WLS: variants seen among roughly 807,000 people sequenced by gnomAD.
WLS encodes the protein Wnt ligand secretion mediator, also known as protein wntless homolog.
In WLS, 23 loss-of-function variants were observed where a neutral mutation model predicts 62.8. The ratio of observed to expected loss-of-function variants is 0.37; its 90% CI spans 0.26 to 0.52. WLS has a LOEUF of 0.52. Among genes scored for constraint, WLS ranks in the 20% least tolerant of loss-of-function variants. The pLI, the probability that WLS is intolerant of heterozygous loss-of-function variation, is 0.92. For synonymous variants in WLS, 246 were observed against 244.1 expected, an observed-to-expected ratio of 1.01 and a Z score of -0.07; for missense variants, 615 against 697.3, an observed-to-expected ratio of 0.88 and a Z score of 1.33.
At chr1:68,186,391 A>C (rs1647938828) in intron 2 of WLS, 2 of 326,258 alleles carry the variant, frequency 6.1e-6, no homozygotes, top group Admixed American at 8.4e-5. Context: ...AGATGAAAAC[A>C]CTAACCAGAT....
intron 2 of WLS, chr1:68,162,562 C>G: frequency 8.9e-6 from 14 of 1,576,052 alleles, no homozygotes; most frequent in Non-Finnish European, 1.1e-5. Context: ...CCCACGGATG[C>G]TGGCCGATCC....
Position 68,210,762 on chromosome 1 carries a change from G to A in WLS, c.107-16535C>T, listed in dbSNP as rs1247032029. 2.6e-5 allele frequency among the ~76,000 whole-genome samples: 4 copies of A among 152,304 alleles called. No individual in the cohort carries two copies. The South Asian group carries it at 8.3e-4, about 32-fold the overall frequency. ...AGCCGCTCATCACTACAAGAGGAGA[G>A]GTAAACTACAATCTCACCTGGGAAG... On this transcript the variant is annotated intron_variant, in intron 1 of 11. Transcript: ENST00000262348.
In WLS at chr1:68,162,201, C is replaced by T. The variant is rs748296093; in HGVS notation, c.380-2954G>A. ...CAAAGCTAAAGGGCTCCGACTCACG[C>T]ACATAGAGGGCTGCCCCTCGTATCC... On this transcript the variant is annotated intron_variant, in intron 2 of 11. Transcript: ENST00000262348. 162 of 1,441,774 alleles carry T rather than the reference C, an allele frequency of 1.1e-4. No homozygotes were observed. In the Middle Eastern group the frequency reaches 1.3e-3, roughly 12 times the overall value. 89.3% of individuals were successfully genotyped at this position (1,441,774 alleles called of 1,614,324 possible).
rs187224044 is a variant in WLS, at chr1:68,228,219, A to G, written c.106+3975T>C. 5 of 439,262 alleles carry G rather than the reference A, an allele frequency of 1.1e-5. No individual in the cohort carries two copies. The East Asian group carries it at 2.1e-4, about 19-fold the overall frequency. 27.2% of individuals were successfully genotyped at this position (439,262 alleles called of 1,614,324 possible). ...AATAATTGGTGATTTGTTGATACTT[A>G]CAGTTTATGTTTGGAATAGTCTCAT... On this transcript the variant is annotated intron_variant, in intron 1 of 11. Transcript: ENST00000262348.
intron 2 of WLS, among the ~76,000 whole-genome samples, chr1:68,170,167 T>C (rs528869228): frequency 0.012 from 1,548 of 129,614 alleles, 36 homozygotes; most frequent in African/African-American, 0.042. Context: ...TTTCTTTTTT[T>C]TTTTTTTTTT....
At chr1:68,126,609 A>C (rs1203290281) in intron 11 of WLS, among the ~76,000 whole-genome samples, 1 of 152,216 alleles carries the variant, frequency 6.6e-6, no homozygotes, top group African/African-American at 2.4e-5. Flanking sequence ...GTAATCATTA[A>C]CATTTAATGA....
At position 68,178,705 on chromosome 1, in the gene WLS, CAAAA is replaced by C. The variant is rs376126398; in HGVS notation, c.379+15246_379+15249del. ...TAAGCAACAGATCGAGACTACATTT[CAAAA>C]AAAAAAAAAAGAAAAGAAAAGAGAA... is the stretch of plus-strand genomic sequence containing the variant. On this transcript the variant is annotated intron_variant, in intron 2 of 11. Transcript: ENST00000262348. Among the ~76,000 whole-genome samples the C allele has an allele frequency of 5.7e-3, 613 of 108,226 alleles. 8 individuals carry two copies. The highest frequency in any genetic ancestry group is 0.018 in the African/African-American group (581 of 31,482). 71.0% of individuals were successfully genotyped at this position (108,226 alleles called of 152,430 possible).
In WLS at chr1:68,201,900, A is replaced by G. The variant is rs550811444; in HGVS notation, c.107-7673T>C. The G allele has an allele frequency of 2.6e-5, 4 of 152,374 alleles. No individual in the cohort carries two copies. In the South Asian group the frequency reaches 8.3e-4, roughly 32 times the overall value. 9.4% of individuals were successfully genotyped at this position (152,374 alleles called of 1,614,324 possible). A position where few individuals can be genotyped will look rare whatever the true frequency, so the allele number is the denominator to read the frequency against. The stretch of plus-strand genomic sequence containing the variant: ...ACATTTTGACAGCAATTTTCCAAAA[A>G]TTGTAGCAAACACTTGTAAATACAT... On this transcript the variant is annotated intron_variant, in intron 1 of 11. Coordinates refer to ENST00000262348, the MANE Select transcript of WLS (RefSeq NM_024911.7).
intron 11 of WLS, 53 bp downstream of exon 11, chr1:68,137,727 G>A (rs1646630931): frequency 2.5e-6 from 4 of 1,569,388 alleles, no homozygotes; most frequent in Admixed American, 1.8e-5. Flanking sequence ...ATCTTGTAAA[G>A]ACAGAAGCCT....
intron 4 of WLS, 75 bp downstream of exon 4, chr1:68,155,024 T>C (rs1267187131): frequency 6.9e-7 from 1 of 1,455,416 alleles, no homozygotes; most frequent in African/African-American, 1.4e-5. Flanking sequence ...ATGAGACAGG[T>C]GAGGCATAGA....
intron 11 of WLS, among the ~76,000 whole-genome samples, chr1:68,129,921 G>A (rs1646493907): frequency 6.6e-6 from 1 of 152,168 alleles, no homozygotes; most frequent in Non-Finnish European, 1.5e-5. Context: ...TTCTCTCCCT[G>A]GTTATGATGT....
chr1:68,210,819 G>T (rs1649485076), intron 1 of WLS, among the ~76,000 whole-genome samples: 1 of 152,136 alleles, frequency 6.6e-6, no homozygotes, highest in Non-Finnish European at 1.5e-5. Flanking sequence ...AAACCAAGGG[G>T]AGGAGAAACC....
downstream of WLS, among the ~76,000 whole-genome samples, chr1:68,120,572 C>T (rs1008947636): frequency 1.3e-5 from 2 of 152,238 alleles, no homozygotes; most frequent in African/African-American, 4.8e-5. Context: ...GGTCACTTCA[C>T]CTCTCTGAGT....
intron 1 of WLS, chr1:68,231,745 C>G: frequency 2.1e-6 from 1 of 465,952 alleles, no homozygotes; most frequent in Non-Finnish European, 4.3e-6. Context: ...CGGGTTTGCG[C>G]CGGGCACAGT....
intron 1 of WLS, among the ~76,000 whole-genome samples, chr1:68,225,490 C>G (rs532499594): frequency 6.6e-6 from 1 of 152,176 alleles, no homozygotes; most frequent in East Asian, 1.9e-4. Context: ...GTGATCATTT[C>G]GTGTCTTGAT....
chr1:68,213,280 G>C (rs897943414), intron 1 of WLS, among the ~76,000 whole-genome samples: 2 of 151,824 alleles, frequency 1.3e-5, no homozygotes, highest in African/African-American at 4.8e-5. Context: ...GTGAAACCCC[G>C]TCTCTACTAA....
At chr1:68,181,879 A>G (rs1647595958) in intron 2 of WLS, among the ~76,000 whole-genome samples, 1 of 152,208 alleles carries the variant, frequency 6.6e-6, no homozygotes, top group Non-Finnish European at 1.5e-5. Context: ...TTTTATGTAG[A>G]GTATCAAGGG....
intron 4 of WLS, 96 bp downstream of exon 4, chr1:68,155,003 C>T: frequency 4.6e-6 from 6 of 1,295,416 alleles, no homozygotes; most frequent in South Asian, 1.5e-5. Flanking sequence ...GTTATTATTC[C>T]CATTTCTCAG....
chr1:68,153,146 A>AG (rs1369932019), intron 5 of WLS, among the ~76,000 whole-genome samples: 5 of 152,084 alleles, frequency 3.3e-5, no homozygotes, highest in African/African-American at 1.2e-4. Flanking sequence ...TGGGAAGCAT[A>AG]CACCTGTGGT....
Sources: gnomAD v4.1 joint callset for allele counts (sites outside exome capture counted in the v4.1 genomes callset) on GRCh38, gnomAD v4.1.1 for gene constraint, MANE v1.5 for transcripts, NCBI Gene and HGNC (gene_info 2026-07-23, HGNC 2026-07-21) for gene names.